The following HECW1 variants were observed in gnomAD, a reference collection of about 807,000 sequenced individuals.
The protein encoded by HECW1 is E3 ubiquitin-protein ligase HECW1.
In HECW1, 61 loss-of-function variants were observed where a neutral mutation model predicts 182.3. The observed-to-expected ratio is 0.33, with a 90% CI of 0.27 to 0.41. The LOEUF (loss-of-function observed/expected upper bound fraction) is 0.41. Ranked by LOEUF, HECW1 falls within the 10% of genes least tolerant of loss-of-function variation. The pLI, the probability that HECW1 is intolerant of heterozygous loss-of-function variation, is 1.00. For missense variants in HECW1, 1,739 were observed against 2,108.9 expected, an observed-to-expected ratio of 0.82 and a Z score of 3.44; for synonymous variants, 859 against 832.6, an observed-to-expected ratio of 1.03 and a Z score of -0.55.
chr7:43,257,394 ACT>A (rs376923119), intron 3 of HECW1, among the ~76,000 whole-genome samples: 5 of 152,204 alleles, frequency 3.3e-5, no homozygotes, highest in African/African-American at 1.2e-4. Flanking sequence ...AGTTGGGTAC[ACT>A]CTGGGAATCA....
At chr7:43,182,201 A>G (rs1437670399) in intron 2 of HECW1, among the ~76,000 whole-genome samples, 1 of 152,196 alleles carries the variant, frequency 6.6e-6, no homozygotes, top group Admixed American at 6.5e-5. Flanking sequence ...TGTGCTTTCA[A>G]TGTCTTATTT....
In HECW1 at chr7:43,407,658, C is replaced by T; in HGVS notation, c.728C>T (p.Ala243Val). 4 of 1,613,988 alleles carry T rather than the reference C, an allele frequency of 2.5e-6. No individual in the cohort carries two copies. Among genetic ancestry groups the T allele is most frequent in the Non-Finnish European group, 3.4e-6 (4 of 1,179,878 alleles). Residue 243 changes from alanine (A) to valine (V), a missense_variant, in exon 8 of 30, where the codon GCC (alanine) becomes GTC (valine). Physicochemically the swap from Ala to Val is moderately conservative, Grantham distance 64. Transcript: ENST00000395891. Reference protein sequence around the residue: ...IQPGKHSIFPALPHHGQERRS... With the variant: ...IQPGKHSIFPVLPHHGQERRS... ...CCTGGGAAACACAGCATCTTCCCCG[C>T]CCTCCCTCACCATGGACAGGAGAGG...
At chr7:43,207,824 C>G (rs1202318057) in intron 2 of HECW1, 1 of 152,208 alleles carries the variant, frequency 6.6e-6, no homozygotes, top group Non-Finnish European at 1.5e-5. Context: ...CTTATCTTCT[C>G]TTACTGTTCC....
At chr7:43,407,537 A>G in intron 7 of HECW1, 25 bp from the exon 8 acceptor site, 2 of 1,577,166 alleles carry the variant, frequency 1.3e-6, no homozygotes, top group Non-Finnish European at 1.7e-6. Flanking sequence ...AACATATTTA[A>G]ATTAAAGTAT....
chr7:43,257,363 A>G (rs1401591326), intron 3 of HECW1, among the ~76,000 whole-genome samples: 1 of 152,180 alleles, frequency 6.6e-6, no homozygotes, highest in Non-Finnish European at 1.5e-5. Context: ...TTTCTAACCT[A>G]TCACCTAGTA....
rs1788410815 is a variant in HECW1, at chr7:43,143,740, T to G, written c.-32+29349T>G. Among the ~76,000 whole-genome samples the G allele has an allele frequency of 2.0e-5, 3 of 152,202 alleles. No homozygotes were observed. The South Asian group carries it at 6.2e-4, about 31-fold the overall frequency. On this transcript the variant is annotated intron_variant, in intron 2 of 29. Coordinates refer to ENST00000395891, the MANE Select transcript of HECW1 (RefSeq NM_015052.5). ...CTGGCTACCAACCGCTTGTTCAACCTGCAAAATGTGGTCATTCCATGTACA... is the reference window on the plus strand; with the variant it reads ...CTGGCTACCAACCGCTTGTTCAACCGGCAAAATGTGGTCATTCCATGTACA...
chr7:43,504,222 C>T (rs2079485778), intron 21 of HECW1, among the ~76,000 whole-genome samples: 1 of 152,224 alleles, frequency 6.6e-6, no homozygotes, highest in African/African-American at 2.4e-5. Flanking sequence ...TTCCCAGTCT[C>T]TAGACTTTGT....
intron 2 of HECW1, among the ~76,000 whole-genome samples, chr7:43,157,042 G>T (rs189965178): frequency 6.6e-6 from 1 of 152,162 alleles, no homozygotes; most frequent in Admixed American, 6.5e-5. Context: ...ATGTTCATTC[G>T]CAAACCTGGG....
intron 26 of HECW1, 22 bp downstream of exon 26, chr7:43,542,020 G>A: frequency 1.4e-6 from 2 of 1,465,688 alleles, no homozygotes; most frequent in Admixed American, 5.2e-5. Flanking sequence ...ATGGGGTTTG[G>A]AAAAGGGATT....
intron 5 of HECW1, among the ~76,000 whole-genome samples, chr7:43,344,637 A>G (rs1813440910): frequency 6.6e-6 from 1 of 151,386 alleles, no homozygotes; most frequent in Non-Finnish European, 1.5e-5. Context: ...TTTAGATTTC[A>G]GTTACCTATA....
chr7:43,291,523 A>T (rs1213015780), intron 3 of HECW1, among the ~76,000 whole-genome samples: 5 of 152,246 alleles, frequency 3.3e-5, no homozygotes, highest in African/African-American at 1.2e-4. Context: ...TTATTCCTTT[A>T]TATTTAGCAG....
chr7:43,482,246 C>T (rs955597731), intron 17 of HECW1, among the ~76,000 whole-genome samples: 1 of 152,090 alleles, frequency 6.6e-6, no homozygotes, highest in African/African-American at 2.4e-5. Flanking sequence ...AAAGACTCGG[C>T]CTCTAAGAAA....
intron 28 of HECW1, among the ~76,000 whole-genome samples, 186 bp downstream of exon 28, chr7:43,552,522 C>T (rs562297245): frequency 6.6e-6 from 1 of 152,344 alleles, no homozygotes; most frequent in East Asian, 1.9e-4. Flanking sequence ...ATATTTTCAT[C>T]ACCCCAAAAG....
intron 6 of HECW1, among the ~76,000 whole-genome samples, chr7:43,391,338 C>T (rs1011751135): frequency 3.7e-4 from 57 of 152,164 alleles, no homozygotes; most frequent in African/African-American, 1.3e-3. Context: ...CTCTTCCTCC[C>T]CAGTTCATCT....
At chr7:43,318,207 G>A (rs10951724) in intron 4 of HECW1, among the ~76,000 whole-genome samples, 8,113 of 152,194 alleles carry the variant, frequency 0.053, 253 homozygotes, top group Middle Eastern at 0.082. Flanking sequence ...GGAGAAATTC[G>A]GGGAAATACT....
chr7:43,495,156 C>A lies in HECW1; in HGVS notation c.3437+1976C>A, dbSNP rs572229960. Among the ~76,000 whole-genome samples, 3 of 152,160 alleles carry A rather than the reference C, an allele frequency of 2.0e-5. No homozygotes were observed. The South Asian group carries it at 6.2e-4, about 32-fold the overall frequency. The stretch of plus-strand genomic sequence containing the variant: ...ACTTCTAAGTTCTGGGATAAATGTG[C>A]AGAAAGTGCAGGATTGTTACACAGG... On this transcript the variant is annotated intron_variant, in intron 19 of 29. Coordinates refer to ENST00000395891, the MANE Select transcript of HECW1 (RefSeq NM_015052.5).
intron 8 of HECW1, among the ~76,000 whole-genome samples, chr7:43,424,836 A>AT (rs2076303999): frequency 6.6e-6 from 1 of 152,152 alleles, no homozygotes; most frequent in African/African-American, 2.4e-5. Flanking sequence ...CTAATCCCAC[A>AT]TTTTCTGGGA....
intron 2 of HECW1, among the ~76,000 whole-genome samples, chr7:43,138,771 T>C (rs1787843854): frequency 6.6e-6 from 1 of 152,162 alleles, no homozygotes; most frequent in South Asian, 2.1e-4. Flanking sequence ...TAAAACTGTT[T>C]TAGGATGAAA....
chr7:43,325,014 T>A (rs972328218), intron 5 of HECW1, among the ~76,000 whole-genome samples: 1 of 152,208 alleles, frequency 6.6e-6, no homozygotes, highest in Non-Finnish European at 1.5e-5. Flanking sequence ...TCTGACTAAA[T>A]CTGATTTTGA....
Sources: gnomAD v4.1 joint callset for allele counts (sites outside exome capture counted in the v4.1 genomes callset) on GRCh38, gnomAD v4.1.1 for gene constraint, MANE v1.5 for transcripts, NCBI Gene and HGNC (gene_info 2026-07-23, HGNC 2026-07-21) for gene names.